The following PTPRH variants were observed in gnomAD, a reference collection of about 807,000 sequenced individuals.
PTPRH encodes the protein receptor-type tyrosine-protein phosphatase H.
A neutral mutation model predicts 130.2 loss-of-function variants in PTPRH; 113 were observed. The ratio of observed to expected loss-of-function variants is 0.87; its 90% CI spans 0.75 to 1.01. The LOEUF is 1.01. Among genes scored for constraint, PTPRH ranks in the 50% least tolerant of loss-of-function variants. PTPRH has a pLI of 0.00. For synonymous variants in PTPRH, 556 were observed against 577.9 expected, an observed-to-expected ratio of 0.96 and a Z score of 0.54; for missense variants, 1,430 against 1,425.0, an observed-to-expected ratio of 1.00 and a Z score of -0.06.
intron 10 of PTPRH, among the ~76,000 whole-genome samples, chr19:55,193,634 C>T (rs976903836): frequency 6.6e-5 from 10 of 152,178 alleles, no homozygotes; most frequent in Non-Finnish European, 1.5e-4. Flanking sequence ...TCCTACAATG[C>T]GCAGGACGGC....
At chr19:55,187,662 G>T (rs745973070) in intron 13 of PTPRH, 59 bp from the exon 14 acceptor site, 13 of 1,314,854 alleles carry the variant, frequency 9.9e-6, no homozygotes, top group Non-Finnish European at 1.4e-5. Context: ...TCCCTCGGGG[G>T]TACCCCCGAG....
At chr19:55,203,292 A>G (rs1056272750) in intron 5 of PTPRH, among the ~76,000 whole-genome samples, 2 of 140,750 alleles carry the variant, frequency 1.4e-5, no homozygotes, top group African/African-American at 2.7e-5. Context: ...GCGCCACTGC[A>G]CTCCAGCCTG....
At chr19:55,191,391 A>G (rs1389801313) in intron 12 of PTPRH, 110 bp downstream of exon 12, 1 of 1,306,064 alleles carries the variant, frequency 7.7e-7, no homozygotes, top group East Asian at 2.3e-5. Context: ...CCCTTCTGAG[A>G]CCTTTGTGGG....
In PTPRH at chr19:55,185,682, A is replaced by G; in HGVS notation, c.2902-20T>C. ...CTCCACCTGGAAGGAGGGAGCACTC[A>G]CAGGCTCTGGAGATGAATGTAGGGA... On this transcript the variant is annotated intron_variant, in intron 17 of 19. Coordinates refer to ENST00000376350, the MANE Select transcript of PTPRH (RefSeq NM_002842.5). 1 of 1,612,682 alleles carries G rather than the reference A, an allele frequency of 6.2e-7. No individual in the cohort carries two copies.
intron 1 of PTPRH, 40 bp from the exon 2 acceptor site, chr19:55,207,239 C>T (rs775898175): frequency 3.1e-5 from 49 of 1,604,882 alleles, no homozygotes; most frequent in Middle Eastern, 1.7e-4. Flanking sequence ...GCCTCTCAAC[C>T]ACTCCTCCGC....
chr19:55,202,376 T>G, intron 5 of PTPRH, 54 bp from the exon 6 acceptor site: 1 of 1,599,450 alleles, frequency 6.3e-7, no homozygotes, highest in Non-Finnish European at 8.5e-7. Flanking sequence ...CCTCAAACTT[T>G]CCAGCCCTTC....
rs947554395 is a variant in PTPRH, at chr19:55,191,694, C to T, written c.2305G>A (p.Val769Met). ...TTCAGGAAGAAAATCAGCAGGCCCA[C>T]GAGGATGAGAAACAGGAGGATGCCC... is the stretch of plus-strand genomic sequence containing the variant. ...FVGILLFLIL[V>M]GLLIFFLKRR... The change falls in exon 11 of 20, where the codon GTG (valine) becomes ATG (methionine). Residue 769 changes from valine (V) to methionine (M), a missense_variant. Coordinates refer to ENST00000376350, the MANE Select transcript of PTPRH (RefSeq NM_002842.5). 3.7e-6 allele frequency: 6 copies of T among 1,614,002 alleles called. No individual in the cohort carries two copies. Among genetic ancestry groups the T allele is most frequent in the Middle Eastern group, 1.6e-4 (1 of 6,084 alleles).
chr19:55,187,369 GAAA>G (rs796449875), intron 14 of PTPRH, 141 bp downstream of exon 14: 26,349 of 250,380 alleles, frequency 0.11, 1,915 homozygotes, highest in African/African-American at 0.28. Context: ...AAGAAAAAAA[GAAA>G]AAAAAAAAAG....
chr19:55,183,261 G>A (rs886406953), intron 18 of PTPRH, among the ~76,000 whole-genome samples: 23 of 149,672 alleles, frequency 1.5e-4, no homozygotes, highest in African/African-American at 5.4e-4. Context: ...AAAATTACCC[G>A]GGTGTGGTGG....
intron 6 of PTPRH, 32 bp from the exon 7 acceptor site, chr19:55,200,534 C>G (rs750854822): frequency 2.0e-5 from 32 of 1,608,730 alleles, no homozygotes; most frequent in Admixed American, 3.3e-5. Flanking sequence ...CCTATGTTGT[C>G]GGAGATACAG....
intron 6 of PTPRH, among the ~76,000 whole-genome samples, chr19:55,201,673 A>G (rs1025820003): frequency 5.3e-5 from 8 of 152,230 alleles, no homozygotes; most frequent in South Asian, 2.1e-4. Flanking sequence ...CTGAGTTTCC[A>G]TCCTCAATAT....
intron 10 of PTPRH, among the ~76,000 whole-genome samples, chr19:55,193,763 G>A (rs2086607647): frequency 6.6e-6 from 1 of 152,108 alleles, no homozygotes; most frequent in Non-Finnish European, 1.5e-5. Flanking sequence ...CCAGATTGAG[G>A]CTTCATCTTC....
Position 55,202,249 on chromosome 19 carries a change from G to A in PTPRH, c.960C>T (p.Pro320=), listed in dbSNP as rs751917223. 13 of 1,614,032 alleles carry A rather than the reference G, an allele frequency of 8.1e-6. No homozygotes were observed. Among genetic ancestry groups the A allele is most frequent in the South Asian group, 5.5e-5 (5 of 91,082 alleles). The change falls in exon 6 of 20, where the codon CCC becomes CCT. Residue 320 remains proline (P), a synonymous_variant. Transcript: ENST00000376350. The part of the protein sequence containing the change: ...NSSIALTWEV[P]DGPDPQNSTY... ...TGGAGTTCTGTGGGTCTGGGCCATC[G>A]GGGACCTCCCAGGTCAGGGCGATGG...
intron 10 of PTPRH, chr19:55,194,271 G>A: frequency 2.3e-6 from 3 of 1,289,492 alleles, no homozygotes; most frequent in Non-Finnish European, 3.0e-6. Context: ...AGCCTTGAAG[G>A]CCCCCAAGCT....
At chr19:55,191,777 A>G (rs2086545061) in intron 10 of PTPRH, 36 bp from the exon 11 acceptor site, 1 of 1,532,060 alleles carries the variant, frequency 6.5e-7, no homozygotes, top group African/African-American at 1.4e-5. Flanking sequence ...CTCAGAGCGC[A>G]GGTCTGAGCT....
At position 55,200,369 on chromosome 19, in the gene PTPRH, GCCA is replaced by G; in HGVS notation, c.1284_1286del (p.Gly429del). On this transcript the variant is annotated inframe_deletion, in exon 7 of 20. Coordinates refer to ENST00000376350, the MANE Select transcript of PTPRH (RefSeq NM_002842.5). The stretch of plus-strand genomic sequence containing the variant: ...TATTTGTTGTGTTTCGGGTCTCTGT[GCCA>G]CCACCGTCTCCAGTGTACTCTACCC... 1 of 1,614,156 alleles carries G rather than the reference GCCA, an allele frequency of 6.2e-7. No individual in the cohort carries two copies. The highest frequency in any genetic ancestry group is 1.3e-5 in the African/African-American group (1 of 75,032).
At chr19:55,187,486 C>T (rs754591738) in intron 14 of PTPRH, 27 bp downstream of exon 14, 1 of 1,586,964 alleles carries the variant, frequency 6.3e-7, no homozygotes, top group South Asian at 1.1e-5. Flanking sequence ...AGGGCTGGGA[C>T]AAAAGCAGCA....
intron 18 of PTPRH, 80 bp downstream of exon 18, chr19:55,185,422 C>A: frequency 6.6e-7 from 1 of 1,512,370 alleles, no homozygotes; most frequent in Non-Finnish European, 9.0e-7. Flanking sequence ...CTGTACGTTC[C>A]CAGGGTCCCG....
chr19:55,201,481 G>C (rs991831557), intron 6 of PTPRH, among the ~76,000 whole-genome samples: 1 of 152,246 alleles, frequency 6.6e-6, no homozygotes, highest in Non-Finnish European at 1.5e-5. Context: ...GGAGGATGAA[G>C]GGGGGACTGG....
Sources: gnomAD v4.1 joint callset for allele counts (sites outside exome capture counted in the v4.1 genomes callset) on GRCh38, gnomAD v4.1.1 for gene constraint, MANE v1.5 for transcripts, NCBI Gene and HGNC (gene_info 2026-07-23, HGNC 2026-07-21) for gene names.